DPYD: variants seen among roughly 807,000 people sequenced by gnomAD.
DPYD encodes the protein dihydropyrimidine dehydrogenase [NADP(+)].
DPYD carries 109 observed loss-of-function variants against 116.2 expected under a neutral mutation model. That is an observed-to-expected ratio of 0.94 (90% CI 0.80 to 1.10). The LOEUF (loss-of-function observed/expected upper bound fraction) is 1.10. Ranked by LOEUF, DPYD falls within the 50% of genes least tolerant of loss-of-function variation. The pLI is 0.00. For missense variants in DPYD, 1,302 were observed against 1,254.5 expected (o/e 1.04, Z -0.57); for synonymous variants, 440 against 432.0 (o/e 1.02, Z -0.23).
intron 3 of DPYD, among the ~76,000 whole-genome samples, chr1:97,772,205 T>C (rs1019777015): frequency 2.6e-5 from 4 of 152,200 alleles, no homozygotes; most frequent in Non-Finnish European, 5.9e-5. Context: ...ATTTTGCCAC[T>C]CAGCATCCTC....
At chr1:97,537,284 C>A (rs1464546634) in intron 12 of DPYD, among the ~76,000 whole-genome samples, 1 of 152,148 alleles carries the variant, frequency 6.6e-6, no homozygotes, top group African/African-American at 2.4e-5. Context: ...TTGAAGGTAG[C>A]TTTAAAATTC....
At chr1:97,412,221 G>A (rs969665109) in intron 14 of DPYD, among the ~76,000 whole-genome samples, 2 of 152,124 alleles carry the variant, frequency 1.3e-5, no homozygotes, top group East Asian at 1.9e-4. Flanking sequence ...TCTGAAGGAC[G>A]TTCTCATAGT....
chr1:97,167,022 T>C (rs1656373906), intron 20 of DPYD, among the ~76,000 whole-genome samples: 1 of 152,138 alleles, frequency 6.6e-6, no homozygotes, highest in African/African-American at 2.4e-5. Context: ...AATTCAGAAA[T>C]AGGAATTTTT....
chr1:97,644,329 C>T (rs536991434), intron 8 of DPYD, among the ~76,000 whole-genome samples: 21 of 152,180 alleles, frequency 1.4e-4, no homozygotes, highest in African/African-American at 5.1e-4. Flanking sequence ...AAAATTCTTG[C>T]CATCGCTTTC....
intron 19 of DPYD, among the ~76,000 whole-genome samples, chr1:97,203,937 G>A (rs76246330): frequency 0.011 from 1,655 of 151,678 alleles, 16 homozygotes; most frequent in Middle Eastern, 0.027. Flanking sequence ...ATCTATAATT[G>A]ATAAAAACAC....
intron 18 of DPYD, among the ~76,000 whole-genome samples, chr1:97,236,595 AG>A (rs1661942201): frequency 6.6e-6 from 1 of 152,116 alleles, no homozygotes; most frequent in Non-Finnish European, 1.5e-5. Flanking sequence ...GAGGATTTTT[AG>A]GACAGTGAAA....
intron 11 of DPYD, among the ~76,000 whole-genome samples, chr1:97,555,918 G>T (rs1426242263): frequency 6.6e-6 from 1 of 152,164 alleles, no homozygotes; most frequent in Non-Finnish European, 1.5e-5. Flanking sequence ...TACATGTACA[G>T]TAGTACCTCC....
At chr1:97,827,968 C>T in intron 3 of DPYD, 146 bp downstream of exon 3, 1 of 756,336 alleles carries the variant, frequency 1.3e-6, no homozygotes. Flanking sequence ...CAAAGTACAG[C>T]CTCAAGGGAA....
chr1:97,083,158 A>G (rs1649283219), intron 21 of DPYD, among the ~76,000 whole-genome samples: 1 of 152,152 alleles, frequency 6.6e-6, no homozygotes, highest in African/African-American at 2.4e-5. Flanking sequence ...ACTAATTGGG[A>G]GTGTGCCTAA....
At chr1:97,688,951 T>C (rs994945237) in intron 7 of DPYD, among the ~76,000 whole-genome samples, 1 of 151,862 alleles carries the variant, frequency 6.6e-6, no homozygotes, top group Admixed American at 6.6e-5. Flanking sequence ...TTAACACACT[T>C]TTGATTAACT....
At chr1:97,371,814 G>A (rs1192137035) in intron 16 of DPYD, among the ~76,000 whole-genome samples, 2 of 152,162 alleles carry the variant, frequency 1.3e-5, no homozygotes, top group African/African-American at 4.8e-5. Context: ...GGTTTCAGTT[G>A]TAGAGATTAT....
At chr1:97,155,389 A>T (rs150525254) in intron 20 of DPYD, among the ~76,000 whole-genome samples, 16 of 152,234 alleles carry the variant, frequency 1.1e-4, no homozygotes, top group African/African-American at 3.6e-4. Flanking sequence ...ATGAAACCAG[A>T]GCTCTTCTGC....
intron 14 of DPYD, among the ~76,000 whole-genome samples, chr1:97,414,292 G>A (rs1360942911): frequency 6.6e-6 from 1 of 152,104 alleles, no homozygotes; most frequent in African/African-American, 2.4e-5. Flanking sequence ...ATCAGCCTTG[G>A]TTGAGTAGAC....
chr1:97,345,569 A>G (rs1419313030), intron 16 of DPYD, among the ~76,000 whole-genome samples: 1 of 151,940 alleles, frequency 6.6e-6, no homozygotes, highest in African/African-American at 2.4e-5. Flanking sequence ...TAGACTGGAT[A>G]ACGGTGACTG....
At chr1:97,855,302 G>A (rs761981895) in intron 2 of DPYD, 1 of 152,272 alleles carries the variant, frequency 6.6e-6, no homozygotes, top group Non-Finnish European at 1.5e-5. Flanking sequence ...GCTATGACAG[G>A]TGACGGTAGT....
chr1:97,348,650 G>A (rs756667113), intron 16 of DPYD, among the ~76,000 whole-genome samples: 1 of 152,118 alleles, frequency 6.6e-6, no homozygotes, highest in Non-Finnish European at 1.5e-5. Context: ...CATCCACAGG[G>A]CCTACAATTT....
chr1:97,446,319 G>T (rs963971464), intron 14 of DPYD, among the ~76,000 whole-genome samples: 1 of 152,096 alleles, frequency 6.6e-6, no homozygotes, highest in South Asian at 2.1e-4. Flanking sequence ...AAATATTCTG[G>T]AAAGAGGCTC....
At chr1:97,639,524 C>T (rs552022028) in intron 8 of DPYD, among the ~76,000 whole-genome samples, 47 of 151,932 alleles carry the variant, frequency 3.1e-4, no homozygotes, top group Non-Finnish European at 5.9e-4. Context: ...AAGCACTATG[C>T]ATTTTTAAAA....
At chr1:97,687,640 G>T (rs916169506) in intron 7 of DPYD, among the ~76,000 whole-genome samples, 1 of 152,136 alleles carries the variant, frequency 6.6e-6, no homozygotes, top group Non-Finnish European at 1.5e-5. Context: ...ATGCCCAAAG[G>T]AATATAGATC....
Sources: gnomAD v4.1 joint callset for allele counts (sites outside exome capture counted in the v4.1 genomes callset) on GRCh38, gnomAD v4.1.1 for gene constraint, MANE v1.5 for transcripts, NCBI Gene and HGNC (gene_info 2026-07-23, HGNC 2026-07-21) for gene names.